FOXP4: variants seen among roughly 807,000 people sequenced by gnomAD.
FOXP4 encodes the protein forkhead box protein P4.
In FOXP4, 25 loss-of-function variants were observed where a neutral mutation model predicts 82.6. That is an observed-to-expected ratio of 0.30 (90% confidence interval 0.22 to 0.42). The LOEUF is 0.42. Among genes scored for constraint, FOXP4 ranks in the 10% least tolerant of loss-of-function variants. The probability of loss-of-function intolerance (pLI) is 1.00; values close to 1 mark genes in which losing one functional copy is unlikely to be tolerated. For synonymous variants in FOXP4, 415 were observed against 388.2 expected (o/e 1.07, Z -0.81); for missense variants, 785 against 900.9 (o/e 0.87, Z 1.65).
At chr6:41,590,693 T>C (rs547949498) in intron 12 of FOXP4, among the ~76,000 whole-genome samples, 1 of 152,180 alleles carries the variant, frequency 6.6e-6, no homozygotes, top group African/African-American at 2.4e-5. Context: ...GCCCATGATC[T>C]TCATGTCACC....
intron 1 of FOXP4, among the ~76,000 whole-genome samples, chr6:41,549,472 G>T (rs1488038456): frequency 6.6e-6 from 1 of 152,092 alleles, no homozygotes; most frequent in Non-Finnish European, 1.5e-5. Flanking sequence ...GCTGTAGGCA[G>T]GTAGGTCCCT....
rs1229672727 is a variant in FOXP4, at chr6:41,593,321, G to A, written c.1537-1549G>A. On this transcript the variant is annotated intron_variant, in intron 13 of 16. Coordinates refer to ENST00000307972, the MANE Select transcript of FOXP4 (RefSeq NM_001012426.2). The surrounding 1 kb of genome is among the most constrained non-coding windows in gnomAD (Gnocchi z 4.1). The stretch of plus-strand genomic sequence containing the variant: ...GACCAGGGCAGAAGGGTTGGGAGCG[G>A]GCATGGTGTGGGCCCAGCCAGCTGC... Among the ~76,000 whole-genome samples, 1 of 152,116 alleles carries A rather than the reference G, an allele frequency of 6.6e-6. No homozygotes were observed. The highest frequency in any genetic ancestry group is 1.9e-4 in the East Asian group (1 of 5,180).
intron 1 of FOXP4, among the ~76,000 whole-genome samples, chr6:41,556,873 G>T (rs560601881): frequency 6.6e-6 from 1 of 152,268 alleles, no homozygotes; most frequent in South Asian, 2.1e-4. Context: ...AAATATCCAC[G>T]CCTGGGTCCA....
rs1023922535 is a variant in FOXP4 at position 41,602,307 on chromosome 6, C to G, written c.*3371C>G. The G allele has an allele frequency of 1.3e-5, 2 of 152,212 alleles. No homozygotes were observed. The highest frequency in any genetic ancestry group is 3.9e-4 in the East Asian group (2 of 5,190). 9.4% of individuals were successfully genotyped at this position (152,212 alleles called of 1,614,324 possible). On this transcript the variant is annotated 3_prime_UTR_variant, in exon 17 of 17. Transcript: ENST00000307972. ...AGCCCTCCGTGGAGGCTGCCAGGGCCTTGTACGGTAAACCTAGCTGCATGT... is the reference window on the plus strand; with the variant it reads ...AGCCCTCCGTGGAGGCTGCCAGGGCGTTGTACGGTAAACCTAGCTGCATGT...
At chr6:41,557,863 A>AG (rs1263583909) in intron 1 of FOXP4, among the ~76,000 whole-genome samples, 1 of 152,014 alleles carries the variant, frequency 6.6e-6, no homozygotes, top group African/African-American at 2.4e-5. Flanking sequence ...GGAACTTGGG[A>AG]GAGGACCTGG....
chr6:41,579,515 G>A (rs1163263606), intron 3 of FOXP4, among the ~76,000 whole-genome samples: 1 of 152,216 alleles, frequency 6.6e-6, no homozygotes, highest in African/African-American at 2.4e-5. Context: ...AGGGGCTGCT[G>A]ACCCAGGGGT....
At position 41,558,691 on chromosome 6, in the gene FOXP4, C is replaced by T. The variant is rs1043361496; in HGVS notation, c.-16-7054C>T. Among the ~76,000 whole-genome samples the T allele has an allele frequency of 1.4e-4, 22 of 152,222 alleles. No individual in the cohort carries two copies. Among genetic ancestry groups the T allele is most frequent in the African/African-American group, 5.3e-4 (22 of 41,464 alleles). ...CCCAAAGTGGCCACTGCCCTGAAGC[C>T]CTCCCCTTACCTGGAGCCTGAAGCC... On this transcript the variant is annotated intron_variant, in intron 1 of 16. Transcript: ENST00000307972. The surrounding 1 kb of genome is among the most constrained non-coding windows in gnomAD (Gnocchi z 4.0).
chr6:41,601,355 C>G lies in FOXP4; in HGVS notation c.*2419C>G, dbSNP rs984432708. 6.5e-6 allele frequency: 1 copy of G among 152,682 alleles called. No homozygotes were observed. Among genetic ancestry groups the G allele is most frequent in the East Asian group, 1.9e-4 (1 of 5,216 alleles). 9.5% of individuals were successfully genotyped at this position (152,682 alleles called of 1,614,324 possible). On this transcript the variant is annotated 3_prime_UTR_variant, in exon 17 of 17. Transcript: ENST00000307972. Reference sequence around the variant, plus strand: ...CCAGCCCCAGCACACCAGCCTGCACCTCTTATCCCGTGTTAAGTCCTGGTT... The same window carrying G: ...CCAGCCCCAGCACACCAGCCTGCACGTCTTATCCCGTGTTAAGTCCTGGTT...
chr6:41,594,271 A>T (rs555676913), intron 13 of FOXP4, among the ~76,000 whole-genome samples: 3 of 152,166 alleles, frequency 2.0e-5, no homozygotes, highest in African/African-American at 7.2e-5. Context: ...GTTTATTTCA[A>T]CAAGTATGTA....
chr6:41,584,861 C>T lies in FOXP4; in HGVS notation c.393C>T (p.Leu131=), dbSNP rs369513950. Reference sequence around the variant, plus strand: ...CGCCCCCGCAGCTGCAGGCCTTGCTCCAGCAGCAGCAAGCCCTCATGCTCC... The same window carrying T: ...CGCCCCCGCAGCTGCAGGCCTTGCTTCAGCAGCAGCAAGCCCTCATGCTCC... ...ILSPPQLQAL[L]QQQQALMLQQ... is the part of the protein sequence containing the mutation. The change falls in exon 4 of 17, where the codon CTC becomes CTT. Residue 131 remains leucine (L), a synonymous_variant. Coordinates refer to ENST00000307972, the MANE Select transcript of FOXP4 (RefSeq NM_001012426.2). The T allele has an allele frequency of 1.9e-6, 3 of 1,611,350 alleles. No individual in the cohort carries two copies. Among genetic ancestry groups the T allele is most frequent in the African/African-American group, 1.3e-5 (1 of 74,986 alleles).
intron 1 of FOXP4, among the ~76,000 whole-genome samples, chr6:41,554,399 A>G (rs575633242): frequency 6.6e-6 from 1 of 152,332 alleles, no homozygotes; most frequent in Non-Finnish European, 1.5e-5. Flanking sequence ...TGTGGAAAGG[A>G]TGGACTGGGA....
chr6:41,589,748 TC>T, intron 9 of FOXP4, 22 bp from the exon 10 acceptor site: 1 of 1,608,366 alleles, frequency 6.2e-7, no homozygotes, highest in Non-Finnish European at 8.5e-7. Flanking sequence ...CCCGCTCACC[TC>T]CTGCTTTGCC....
intron 1 of FOXP4, among the ~76,000 whole-genome samples, chr6:41,562,126 G>A (rs1413087312): frequency 6.6e-6 from 1 of 152,240 alleles, no homozygotes; most frequent in Non-Finnish European, 1.5e-5. Context: ...GGAGACATGA[G>A]GCTGCTGGTG....
chr6:41,595,423 C>G (rs925076363), intron 14 of FOXP4, among the ~76,000 whole-genome samples: 1 of 152,178 alleles, frequency 6.6e-6, no homozygotes, highest in East Asian at 1.9e-4. Context: ...ATTCATCTTA[C>G]GGCAGAGGAG....
chr6:41,594,539 T>A (rs1171523079), intron 13 of FOXP4, among the ~76,000 whole-genome samples: 1 of 152,228 alleles, frequency 6.6e-6, no homozygotes, highest in Non-Finnish European at 1.5e-5. Flanking sequence ...CATGTGTCTT[T>A]GATTAACGAA....
At chr6:41,547,202 C>T (rs1763683130) in intron 1 of FOXP4, among the ~76,000 whole-genome samples, 1 of 151,722 alleles carries the variant, frequency 6.6e-6, no homozygotes, top group Non-Finnish European at 1.5e-5. Flanking sequence ...GGGAGGGGGG[C>T]GGCCGGAGAG....
At chr6:41,579,121 G>A (rs920393220) in intron 3 of FOXP4, among the ~76,000 whole-genome samples, 2 of 152,130 alleles carry the variant, frequency 1.3e-5, no homozygotes, top group Non-Finnish European at 2.9e-5. Context: ...TGTAAAACAA[G>A]TTTATGTTTG....
At chr6:41,549,704 G>A (rs1031193306) in intron 1 of FOXP4, among the ~76,000 whole-genome samples, 1 of 149,470 alleles carries the variant, frequency 6.7e-6, no homozygotes, top group African/African-American at 2.5e-5. Context: ...TCAGATTGTT[G>A]GGGTAGGAGA....
intron 1 of FOXP4, chr6:41,547,376 C>G (rs971866391): frequency 5.3e-5 from 8 of 152,312 alleles, no homozygotes; most frequent in Non-Finnish European, 1.2e-4. Context: ...GTGGCTCCCC[C>G]CAACTCTAGT....
Sources: gnomAD v4.1 joint callset for allele counts (sites outside exome capture counted in the v4.1 genomes callset) on GRCh38, gnomAD v4.1.1 for gene constraint, Gnocchi (gnomAD v3.1) non-coding constraint, MANE v1.5 for transcripts, NCBI Gene and HGNC (gene_info 2026-07-23, HGNC 2026-07-21) for gene names.